Variants in PLD5 observed in about 807,000 individuals in gnomAD.
PLD5 encodes inactive phospholipase D5.
In PLD5, 36 loss-of-function variants were observed where a neutral mutation model predicts 61.1. The observed-to-expected ratio is 0.59, with a 90% CI of 0.45 to 0.78. The LOEUF (loss-of-function observed/expected upper bound fraction) is 0.78. Ranked by LOEUF, PLD5 falls within the 30% of genes least tolerant of loss-of-function variation. The pLI is 0.00. For synonymous variants in PLD5, 243 were observed against 242.8 expected (o/e 1.00, Z -0.01); for missense variants, 515 against 644.4 (o/e 0.80, Z 2.17).
chr1:242,231,617 A>C (rs1055571431), intron 4 of PLD5, among the ~76,000 whole-genome samples: 1 of 152,364 alleles, frequency 6.6e-6, no homozygotes, highest in African/African-American at 2.4e-5. Flanking sequence ...CCATTGAGTT[A>C]GGTAAAATGG....
intron 1 of PLD5, among the ~76,000 whole-genome samples, chr1:242,495,244 T>G (rs917924403): frequency 1.3e-5 from 2 of 152,078 alleles, no homozygotes; most frequent in Admixed American, 1.3e-4. Flanking sequence ...CTGGGAACCA[T>G]GTGGATGCTC....
At chr1:242,373,289 G>T (rs893121017) in intron 1 of PLD5, among the ~76,000 whole-genome samples, 3 of 152,174 alleles carry the variant, frequency 2.0e-5, no homozygotes, top group Non-Finnish European at 4.4e-5. Flanking sequence ...TCATTAAAAA[G>T]TCAGGAAACA....
intron 1 of PLD5, among the ~76,000 whole-genome samples, chr1:242,470,320 C>T (rs994959856): frequency 8.9e-5 from 13 of 145,588 alleles, no homozygotes; most frequent in Non-Finnish European, 1.2e-4. Flanking sequence ...CCAGCTTGGG[C>T]GACAGAGCGA....
chr1:242,226,208 GA>G, intron 4 of PLD5, among the ~76,000 whole-genome samples: 1 of 151,806 alleles, frequency 6.6e-6, no homozygotes, highest in Non-Finnish European at 1.5e-5. Flanking sequence ...TTTCTAACAG[GA>G]AAAAAAATAT....
chr1:242,265,493 G>A (rs1489493723), intron 3 of PLD5, 45 bp from the exon 4 acceptor site: 64 of 1,488,536 alleles, frequency 4.3e-5, no homozygotes, highest in Non-Finnish European at 5.8e-5. Flanking sequence ...AAACCTAAAT[G>A]TTTACCAATT....
chr1:242,462,012 A>C (rs935932843), intron 1 of PLD5, among the ~76,000 whole-genome samples: 2 of 152,198 alleles, frequency 1.3e-5, no homozygotes, highest in Non-Finnish European at 2.9e-5. Flanking sequence ...TTCTCCTATC[A>C]TACAGAGCTG....
chr1:242,386,715 CT>C (rs1345288085), intron 1 of PLD5, among the ~76,000 whole-genome samples: 1 of 152,120 alleles, frequency 6.6e-6, no homozygotes, highest in African/African-American at 2.4e-5. Context: ...TGGCTCTTGA[CT>C]GTACTCTGGT....
At chr1:242,503,940 A>T (rs1462025121) in intron 1 of PLD5, among the ~76,000 whole-genome samples, 1 of 152,192 alleles carries the variant, frequency 6.6e-6, no homozygotes, top group Non-Finnish European at 1.5e-5. Flanking sequence ...TTTATGTGGG[A>T]TAAAAGATTG....
In PLD5 at chr1:242,520,745, T is replaced by C. The variant is rs534791281; in HGVS notation, c.189+3343A>G. Among the ~76,000 whole-genome samples the C allele has an allele frequency of 3.3e-5, 5 of 152,348 alleles. No individual in the cohort carries two copies. In the East Asian group the frequency reaches 9.6e-4, roughly 29 times the overall value. ...ACCAAAGGATGCCAGCCTAACGCCATGTTATCCTCTGGGATAGTCACATCT... is the reference window on the plus strand; with the variant it reads ...ACCAAAGGATGCCAGCCTAACGCCACGTTATCCTCTGGGATAGTCACATCT... On this transcript the variant is annotated intron_variant, in intron 1 of 9. Coordinates refer to ENST00000536534, the MANE Select transcript of PLD5 (RefSeq NM_001372062.1).
chr1:242,502,095 C>G (rs1668572766), intron 1 of PLD5, among the ~76,000 whole-genome samples: 1 of 152,100 alleles, frequency 6.6e-6, no homozygotes, highest in Non-Finnish European at 1.5e-5. Context: ...CTAAGGATTC[C>G]CAAGTCTATG....
At chr1:242,292,128 T>A (rs1272661323) in intron 2 of PLD5, among the ~76,000 whole-genome samples, 2 of 152,112 alleles carry the variant, frequency 1.3e-5, no homozygotes, top group African/African-American at 4.8e-5. Flanking sequence ...AAGTTGGATA[T>A]CTTAATTCTA....
At chr1:242,263,866 C>G (rs1413332294) in intron 4 of PLD5, among the ~76,000 whole-genome samples, 2 of 152,184 alleles carry the variant, frequency 1.3e-5, no homozygotes, top group African/African-American at 4.8e-5. Context: ...TTCAGCAACT[C>G]CAAAGAAAAT....
At chr1:242,257,187 A>T (rs1036665459) in intron 4 of PLD5, among the ~76,000 whole-genome samples, 15 of 152,198 alleles carry the variant, frequency 9.9e-5, no homozygotes, top group African/African-American at 3.4e-4. Flanking sequence ...CAAAAAGGAA[A>T]GAAAATTCTT....
intron 2 of PLD5, among the ~76,000 whole-genome samples, chr1:242,296,881 A>C (rs1486240364): frequency 6.6e-6 from 1 of 152,134 alleles, no homozygotes; most frequent in African/African-American, 2.4e-5. Context: ...CACTAGGCCC[A>C]GCTAATTATT....
chr1:242,264,086 G>A lies in PLD5; in HGVS notation c.607+1251C>T, dbSNP rs193228383. 6.6e-3 allele frequency among the ~76,000 whole-genome samples: 1,006 copies of A among 151,576 alleles called. 3 individuals carry two copies. Among genetic ancestry groups the A allele is most frequent in the Non-Finnish European group, 0.011 (771 of 67,952 alleles). ...AATCATCTGCAAATACAGGACCCTC[G>A]GTTAACCAAAAGTAATCAATTCCTC... On this transcript the variant is annotated intron_variant, in intron 4 of 9. Coordinates refer to ENST00000536534, the MANE Select transcript of PLD5 (RefSeq NM_001372062.1).
chr1:242,129,765 A>G (rs1449553285), intron 5 of PLD5, among the ~76,000 whole-genome samples: 2 of 152,226 alleles, frequency 1.3e-5, no homozygotes, highest in African/African-American at 4.8e-5. Flanking sequence ...CATTGTACTC[A>G]TTAATTTCTC....
At position 242,113,941 on chromosome 1, in the gene PLD5, A is replaced by G; in HGVS notation, c.1019T>C (p.Val340Ala). The G allele has an allele frequency of 6.2e-7, 1 of 1,614,106 alleles. No homozygotes were observed. The highest frequency in any genetic ancestry group is 2.2e-5 in the East Asian group (1 of 44,874). Residue 340 changes from valine to alanine, a missense_variant, in exon 7 of 10, where the codon GTG becomes GCG. Around this residue, in one of 2 missense-constraint regions of PLD5, gnomAD observed 450 missense variants for 598.1 expected, o/e 0.75. Transcript: ENST00000536534. ...CAGGTAGTCCATGACAGCGATGTAC[A>G]CATACTGCTTGGCATCATCTATCAC... ...YSVIDDAKQY[V>A]YIAVMDYLPI... is the part of the protein sequence containing the mutation.
chr1:242,371,335 C>A (rs1661620720), intron 1 of PLD5, among the ~76,000 whole-genome samples: 1 of 152,046 alleles, frequency 6.6e-6, no homozygotes, highest in African/African-American at 2.4e-5. Flanking sequence ...GCACTCCTGA[C>A]TGATGAGATC....
chr1:242,164,139 C>G (rs74608817), intron 5 of PLD5, among the ~76,000 whole-genome samples: 1,738 of 150,362 alleles, frequency 0.012, 39 homozygotes, highest in East Asian at 0.061. Context: ...CTCCTAATAC[C>G]CAGCCATTGG....
Sources: allele counts gnomAD v4.1 joint callset (sites outside exome capture counted in the v4.1 genomes callset), GRCh38; gene constraint gnomAD v4.1.1; regional missense constraint gnomAD v4.1.1; transcripts MANE v1.5; gene names NCBI Gene and HGNC (gene_info 2026-07-23, HGNC 2026-07-21).